The following KCNMA1 variants were observed in gnomAD, a reference collection of about 807,000 sequenced individuals.
KCNMA1 encodes the protein Calcium-activated potassium channel subunit alpha-1.
In KCNMA1, 29 loss-of-function variants were observed where a neutral mutation model predicts 140.0. The observed-to-expected ratio is 0.21, with a 90% CI of 0.15 to 0.28. KCNMA1 has a LOEUF of 0.28. KCNMA1 is among the 10% of genes least tolerant of loss of function. The pLI is 1.00. For synonymous variants in KCNMA1, 612 were observed against 611.9 expected, an observed-to-expected ratio of 1.00 and a Z score of 0.00; for missense variants, 880 against 1,602.2, an observed-to-expected ratio of 0.55 and a Z score of 7.70.
At chr10:76,882,327 AAAAAG>A (rs1438476768), downstream of KCNMA1, among the ~76,000 whole-genome samples, 2 of 152,204 alleles carry the variant, frequency 1.3e-5, no homozygotes, top group Non-Finnish European at 2.9e-5. Context: ...GAAAAGGCTC[AAAAAG>A]AAAAGATGCT....
intron 14 of KCNMA1, among the ~76,000 whole-genome samples, chr10:77,047,434 C>G (rs1048178975): frequency 6.6e-6 from 1 of 152,148 alleles, no homozygotes; most frequent in African/African-American, 2.4e-5. Context: ...TTCCCTCACT[C>G]CATTATCCCA....
In KCNMA1 at chr10:77,576,347, G is replaced by A. The variant is rs78537338; in HGVS notation, c.378+60918C>T. Among the ~76,000 whole-genome samples, 1,370 of 152,248 alleles carry A rather than the reference G, an allele frequency of 9.0e-3. 13 individuals are homozygous for A. Among genetic ancestry groups the A allele is most frequent in the East Asian group, 0.052 (271 of 5,188 alleles). ...AGAAAAAGACTTCCTCTCCCAGAAA[G>A]GCACCCAGGTATCCTGTCCCCACCT... On this transcript the variant is annotated intron_variant, in intron 1 of 27. Coordinates refer to ENST00000286628, the MANE Select transcript of KCNMA1 (RefSeq NM_001161352.2).
chr10:77,258,405 C>T (rs1045956598), intron 2 of KCNMA1, among the ~76,000 whole-genome samples: 1 of 152,048 alleles, frequency 6.6e-6, no homozygotes, highest in Non-Finnish European at 1.5e-5. Context: ...ATAGAAGGGC[C>T]ATGGATCAGC....
intron 5 of KCNMA1, among the ~76,000 whole-genome samples, chr10:77,174,917 A>C (rs2098739450): frequency 6.6e-6 from 1 of 152,196 alleles, no homozygotes; most frequent in African/African-American, 2.4e-5. Flanking sequence ...CACACCCTCC[A>C]CCCAGAGATT....
At position 77,066,156 on chromosome 10, in the gene KCNMA1, C is replaced by T. The variant is rs547816072; in HGVS notation, c.1749+6941G>A. On this transcript the variant is annotated intron_variant, in intron 14 of 27. Coordinates refer to ENST00000286628, the MANE Select transcript of KCNMA1 (RefSeq NM_001161352.2). ...ATGCTTGAGAAGGTTGTTCTGGATG[C>T]TTTGTTGAAGATAGATTGGAGGTGG... Among the ~76,000 whole-genome samples the T allele has an allele frequency of 4.6e-5, 7 of 152,198 alleles. No individual in the cohort carries two copies. The East Asian group carries it at 1.4e-3, about 29-fold the overall frequency.
intron 1 of KCNMA1, among the ~76,000 whole-genome samples, chr10:77,605,936 C>A (rs1348379696): frequency 6.6e-6 from 1 of 152,214 alleles, no homozygotes; most frequent in East Asian, 1.9e-4. Flanking sequence ...AGCAGCCGAG[C>A]TGGAACTGAA....
chr10:77,469,792 T>C (rs761524793), intron 1 of KCNMA1, among the ~76,000 whole-genome samples: 6 of 152,124 alleles, frequency 3.9e-5, no homozygotes, highest in Non-Finnish European at 8.8e-5. Context: ...CTAGAGGGAA[T>C]TTTAATTTGT....
intron 5 of KCNMA1, among the ~76,000 whole-genome samples, chr10:77,144,813 A>G (rs1463808646): frequency 6.6e-6 from 1 of 152,208 alleles, no homozygotes; most frequent in Non-Finnish European, 1.5e-5. Context: ...TAATTGGAGA[A>G]GTGAAGGATT....
At chr10:76,948,975 G>A (rs1424836148) in intron 22 of KCNMA1, 167 bp downstream of exon 22, 1 of 722,142 alleles carries the variant, frequency 1.4e-6, no homozygotes, top group Non-Finnish European at 2.5e-6. Context: ...GGTCTCCCAG[G>A]GTTTGGATTT....
chr10:77,213,746 G>A (rs1453169220), intron 3 of KCNMA1, among the ~76,000 whole-genome samples: 2 of 151,814 alleles, frequency 1.3e-5, no homozygotes, highest in African/African-American at 4.8e-5. Context: ...TTTCCTCCAC[G>A]CCACCCACCC....
chr10:77,301,378 A>C (rs939966724), intron 2 of KCNMA1, among the ~76,000 whole-genome samples: 9 of 152,226 alleles, frequency 5.9e-5, no homozygotes, highest in African/African-American at 2.2e-4. Context: ...CTGAGAATGC[A>C]AGATAACTTT....
chr10:77,363,394 C>T (rs1326867363), intron 2 of KCNMA1, among the ~76,000 whole-genome samples: 2 of 152,172 alleles, frequency 1.3e-5, no homozygotes, highest in Non-Finnish European at 2.9e-5. Context: ...GGGACCAAAG[C>T]CAGGAACAGC....
chr10:77,252,556 TGC>T (rs1555076843), intron 2 of KCNMA1, among the ~76,000 whole-genome samples: 1 of 149,200 alleles, frequency 6.7e-6, no homozygotes, highest in Non-Finnish European at 1.5e-5. Context: ...TGTGTGTGTG[TGC>T]GGGCACGTGT....
chr10:77,453,676 C>T (rs1484917685), intron 1 of KCNMA1, among the ~76,000 whole-genome samples: 1 of 152,122 alleles, frequency 6.6e-6, no homozygotes, highest in African/African-American at 2.4e-5. Context: ...TCCAGCAAGG[C>T]CAAGGAGGCT....
At chr10:77,570,746 A>T (rs1363728866) in intron 1 of KCNMA1, among the ~76,000 whole-genome samples, 2 of 150,172 alleles carry the variant, frequency 1.3e-5, no homozygotes, top group Admixed American at 6.7e-5. Context: ...ATAATAATAA[A>T]AAAAAGAAAT....
chr10:77,251,017 CTTCT>C (rs2059560324), intron 3 of KCNMA1, 174 bp downstream of exon 3: 1 of 639,830 alleles, frequency 1.6e-6, no homozygotes. Flanking sequence ...AATAGCCTTC[CTTCT>C]GAGAACTTTC....
chr10:77,148,680 T>A (rs958179292), intron 5 of KCNMA1, among the ~76,000 whole-genome samples: 1 of 152,214 alleles, frequency 6.6e-6, no homozygotes, highest in Non-Finnish European at 1.5e-5. Context: ...TTGGGCTTTG[T>A]AAGCTGCACA....
At chr10:77,628,782 A>G (rs573519551) in intron 1 of KCNMA1, among the ~76,000 whole-genome samples, 1 of 152,334 alleles carries the variant, frequency 6.6e-6, no homozygotes, top group East Asian at 1.9e-4. Context: ...AAATTGAAGT[A>G]TTCCTCCCTA....
chr10:77,004,929 T>G (rs756376263), intron 18 of KCNMA1, among the ~76,000 whole-genome samples: 7 of 152,292 alleles, frequency 4.6e-5, no homozygotes, highest in Non-Finnish European at 8.8e-5. Flanking sequence ...AAAGTGCAAC[T>G]TTGAAAATTT....
Sources: gnomAD v4.1 joint callset for allele counts (sites outside exome capture counted in the v4.1 genomes callset) on GRCh38, gnomAD v4.1.1 for gene constraint, MANE v1.5 for transcripts, NCBI Gene and HGNC (gene_info 2026-07-23, HGNC 2026-07-21) for gene names.